The following TBC1D8B variants were observed in gnomAD, a reference collection of about 807,000 sequenced individuals.
The protein encoded by TBC1D8B is RP11-321G1.1.
TBC1D8B carries 75 observed loss-of-function variants against 82.9 expected under a neutral mutation model. The ratio of observed to expected loss-of-function variants is 0.90; its 90% CI spans 0.75 to 1.10. The LOEUF (loss-of-function observed/expected upper bound fraction) is 1.10, where lower values mean the gene tolerates loss of function less well. Ranked by LOEUF, TBC1D8B falls within the 50% of genes least tolerant of loss-of-function variation. The probability of loss-of-function intolerance (pLI) is 0.00; values close to 1 mark genes in which losing one functional copy is unlikely to be tolerated. For missense variants in TBC1D8B, 794 were observed against 796.9 expected, an observed-to-expected ratio of 1.00 and a Z score of 0.04; for synonymous variants, 276 against 276.8, an observed-to-expected ratio of 1.00 and a Z score of 0.03.
intron 7 of TBC1D8B, chrX:106,829,160 G>A (rs1931952678): frequency 9.4e-6 from 1 of 106,538 alleles, no homozygotes; most frequent in African/African-American, 3.6e-5. Flanking sequence ...CAGACAAACA[G>A]AGAGCCAAAT....
In TBC1D8B at chrX:106,821,979, A is replaced by T; in HGVS notation, c.363A>T (p.Gly121=). 8.3e-7 allele frequency: 1 copy of T among 1,205,969 alleles called. No homozygotes were observed. The highest frequency in any genetic ancestry group is 1.8e-5 in the South Asian group (1 of 56,448). Residue 121 remains glycine, a splice_region_variant and synonymous_variant, in exon 4 of 21, where the codon GGA becomes GGT. Coordinates refer to ENST00000357242, the MANE Select transcript of TBC1D8B (RefSeq NM_017752.3). ...AGAAAATATTTTGTCTCCTTTAGGG[A>T]TTAATTGCTGAAGAGGGAAAACATT... is the stretch of plus-strand genomic sequence containing the variant. ...ITNFVQGKIR[G]LIAEEGKHCF... is the part of the protein sequence containing the mutation.
At chrX:106,871,177 T>C (rs1243958805) in intron 20 of TBC1D8B, among the ~76,000 whole-genome samples, 1 of 111,627 alleles carries the variant, frequency 9.0e-6, no homozygotes, top group East Asian at 2.8e-4. Flanking sequence ...ATTACTGAGA[T>C]GGGTCACACC....
chrX:106,870,950 C>A, intron 20 of TBC1D8B, 137 bp downstream of exon 20: 1 of 395,619 alleles, frequency 2.5e-6, no homozygotes, highest in Non-Finnish European at 4.3e-6. Context: ...TTCAGATGAG[C>A]ATGGAAGAGT....
At chrX:106,809,370 G>A (rs1931288122) in intron 1 of TBC1D8B, among the ~76,000 whole-genome samples, 2 of 111,597 alleles carry the variant, frequency 1.8e-5, no homozygotes, top group African/African-American at 6.5e-5. Context: ...ATAGAGAGGG[G>A]AGGGGGTTGG....
chrX:106,821,996 G>A lies in TBC1D8B; in HGVS notation c.380G>A (p.Gly127Glu), dbSNP rs747341691. The change falls in exon 4 of 21, where the codon GGA becomes GAA. Residue 127 changes from glycine (G) to glutamate (E), a missense_variant. Gly to Glu is a moderately conservative substitution (Grantham distance 98, BLOSUM62 -2). Coordinates refer to ENST00000357242, the MANE Select transcript of TBC1D8B (RefSeq NM_017752.3). Reference sequence around the variant, plus strand: ...CTTTAGGGATTAATTGCTGAAGAGGGAAAACATTGTTTTGCAAAAGAAGAT... The same window carrying A: ...CTTTAGGGATTAATTGCTGAAGAGGAAAAACATTGTTTTGCAAAAGAAGAT... ...GKIRGLIAEE[G>E]KHCFAKEDDP... 8.3e-7 allele frequency: 1 copy of A among 1,209,808 alleles called. No homozygotes were observed. The highest frequency in any genetic ancestry group is 1.8e-5 in the South Asian group (1 of 56,810).
chrX:106,834,611 A>G (rs991865738), intron 7 of TBC1D8B, among the ~76,000 whole-genome samples: 8 of 112,010 alleles, frequency 7.1e-5, no homozygotes, highest in Non-Finnish European at 1.5e-4. Context: ...AGCAAGTCCC[A>G]TCCACCTATA....
At position 106,823,322 on chromosome X, in the gene TBC1D8B, A is replaced by G. The variant is rs1931748123; in HGVS notation, c.683A>G (p.Asn228Ser). 8.3e-7 allele frequency: 1 copy of G among 1,208,716 alleles called. No homozygotes were observed. The highest frequency in any genetic ancestry group is 1.1e-6 in the Non-Finnish European group (1 of 894,468). ...ESIHVCSQGE[N>S]HYFSMFLHIN... ...ATTCACGTGTGTTCCCAAGGAGAGA[A>G]TCACTACTTTTCAATGTTTTTGCAC... The change falls in exon 5 of 21, where the codon AAT becomes AGT. Residue 228 changes from asparagine (N) to serine (S), a missense_variant. Coordinates refer to ENST00000357242, the MANE Select transcript of TBC1D8B (RefSeq NM_017752.3).
At chrX:106,851,749 AT>A (rs1569454575) in intron 12 of TBC1D8B, among the ~76,000 whole-genome samples, 1 of 111,813 alleles carries the variant, frequency 8.9e-6, no homozygotes, top group Non-Finnish European at 1.9e-5. Context: ...TGAACTCATC[AT>A]TTTTTATGGC....
chrX:106,837,571 C>A (rs1161522900), intron 7 of TBC1D8B, among the ~76,000 whole-genome samples: 2 of 111,049 alleles, frequency 1.8e-5, no homozygotes, highest in East Asian at 2.8e-4. Context: ...AGAATTGAAA[C>A]TCTCATGTAT....
At chrX:106,822,594 CAG>C (rs1285602572) in intron 4 of TBC1D8B, among the ~76,000 whole-genome samples, 2 of 111,263 alleles carry the variant, frequency 1.8e-5, no homozygotes, top group Non-Finnish European at 3.8e-5. Flanking sequence ...AAGAATCAAA[CAG>C]TGCTATTTAT....
At chrX:106,842,909 T>C (rs1335820776) in intron 10 of TBC1D8B, among the ~76,000 whole-genome samples, 3 of 111,418 alleles carry the variant, frequency 2.7e-5, no homozygotes, top group Non-Finnish European at 5.7e-5. Context: ...TCTATGAATA[T>C]GCCTATTGTG....
At chrX:106,832,130 T>TA (rs1932063510) in intron 7 of TBC1D8B, among the ~76,000 whole-genome samples, 3 of 111,302 alleles carry the variant, frequency 2.7e-5, no homozygotes, top group African/African-American at 6.5e-5. Context: ...GCAAGACTTT[T>TA]TATTTTAAAT....
At chrX:106,823,604 G>A in intron 5 of TBC1D8B, 138 bp downstream of exon 5, 1 of 604,158 alleles carries the variant, frequency 1.7e-6, no homozygotes, top group South Asian at 4.2e-5. Context: ...GTGTGTGTGT[G>A]TTTTGTGAGT....
At position 106,840,876 on chromosome X, in the gene TBC1D8B, T is replaced by C. The variant is rs1932289114; in HGVS notation, c.1711T>C (p.Tyr571His). ...TGCATACAGGAATCCCAAAATTGGA[T>C]ACTGCCAGGTATGACTTAACTATGA... ...AYAYRNPKIG[Y>H]CQAMNILTSV... Residue 571 changes from tyrosine (Y) to histidine (H), a missense_variant, in exon 10 of 21, where the codon TAC (tyrosine) becomes CAC (histidine). Coordinates refer to ENST00000357242, the MANE Select transcript of TBC1D8B (RefSeq NM_017752.3). The C allele has an allele frequency of 2.5e-6, 3 of 1,207,151 alleles. No homozygotes were observed. Among genetic ancestry groups the C allele is most frequent in the East Asian group, 5.9e-5 (2 of 33,770 alleles).
intron 11 of TBC1D8B, chrX:106,849,604 A>C (rs1408139831): frequency 5.8e-5 from 51 of 881,084 alleles, no homozygotes; most frequent in Non-Finnish European, 6.7e-5. Flanking sequence ...TTCATTTCTG[A>C]AGTGTTAAAT....
chrX:106,866,941 CAACTA>C, intron 17 of TBC1D8B, 79 bp downstream of exon 17: 1 of 702,800 alleles, frequency 1.4e-6, no homozygotes, highest in East Asian at 3.5e-5. Context: ...ATTTTTTTAA[CAACTA>C]AACTAATTTT....
Position 106,822,192 on chromosome X carries a change from G to A in TBC1D8B, c.576G>A (p.Leu192=), listed in dbSNP as rs748366693. 49 of 1,197,652 alleles carry A rather than the reference G, an allele frequency of 4.1e-5. 1 individual carries two copies. Among genetic ancestry groups the A allele is most frequent in the Admixed American group, 1.1e-4 (5 of 43,680 alleles). Residue 192 remains leucine, a synonymous_variant, in exon 4 of 21, where the codon TTG becomes TTA. Coordinates refer to ENST00000357242, the MANE Select transcript of TBC1D8B (RefSeq NM_017752.3). ...TTCTGAGCTTCTATTCTTTTTTGTT[G>A]GGATCAGAAAGTAAGTGGTTTCTAT... The part of the protein sequence containing the change: ...TNFLSFYSFL[L]GSEIKLIISW...
At chrX:106,852,377 C>G (rs1459641498) in intron 12 of TBC1D8B, among the ~76,000 whole-genome samples, 1 of 105,188 alleles carries the variant, frequency 9.5e-6, no homozygotes, top group Non-Finnish European at 2.0e-5. Flanking sequence ...CCTGTTCACT[C>G]TGATGGTAGT....
intron 1 of TBC1D8B, among the ~76,000 whole-genome samples, chrX:106,818,122 T>C (rs1482620224): frequency 9.0e-6 from 1 of 111,436 alleles, no homozygotes; most frequent in East Asian, 2.8e-4. Context: ...TTTTCTTAAA[T>C]AATAATAGTA....
Sources: gnomAD v4.1 joint callset for allele counts (sites outside exome capture counted in the v4.1 genomes callset) on GRCh38, gnomAD v4.1.1 for gene constraint, MANE v1.5 for transcripts, NCBI Gene and HGNC (gene_info 2026-07-23, HGNC 2026-07-21) for gene names.